Variants in MTUS1 observed in about 807,000 individuals in gnomAD.
MTUS1 encodes the protein microtubule associated scaffold protein 1, also known as microtubule-associated tumor suppressor 1.
A neutral mutation model predicts 120.8 loss-of-function variants in MTUS1; 109 were observed. The observed-to-expected ratio is 0.90, with a 90% confidence interval of 0.77 to 1.06. MTUS1 has a LOEUF of 1.06. Ranked by LOEUF, MTUS1 falls within the 50% of genes least tolerant of loss-of-function variation. The pLI, the probability that MTUS1 is intolerant of heterozygous loss-of-function variation, is 0.00. For synonymous variants in MTUS1, 737 were observed against 550.5 expected, an observed-to-expected ratio of 1.34 and a Z score of -4.74; for missense variants, 2,210 against 1,486.3, an observed-to-expected ratio of 1.49 and a Z score of -8.01.
At chr8:17,779,565 A>G (rs1313060431) in intron 1 of MTUS1, among the ~76,000 whole-genome samples, 1 of 152,220 alleles carries the variant, frequency 6.6e-6, no homozygotes, top group East Asian at 1.9e-4. Context: ...TCTAAATGAT[A>G]ATGACACTCA....
intron 1 of MTUS1, among the ~76,000 whole-genome samples, chr8:17,784,926 A>G (rs1442698820): frequency 1.3e-5 from 2 of 151,892 alleles, no homozygotes; most frequent in African/African-American, 2.4e-5. Context: ...CTGGGATTAT[A>G]AGTGTGCACC....
intron 8 of MTUS1, among the ~76,000 whole-genome samples, chr8:17,662,063 G>T (rs1809849402): frequency 6.6e-6 from 1 of 152,120 alleles, no homozygotes; most frequent in African/African-American, 2.4e-5. Context: ...GTGTGGCGGT[G>T]GGGGGCGTGC....
At chr8:17,718,173 G>A (rs1159482081) in intron 4 of MTUS1, among the ~76,000 whole-genome samples, 2 of 152,178 alleles carry the variant, frequency 1.3e-5, no homozygotes, top group Middle Eastern at 3.2e-3. Flanking sequence ...ACCACCATGA[G>A]TCATAATGCT....
chr8:17,722,127 G>C (rs1585953954), intron 4 of MTUS1: 3 of 1,245,906 alleles, frequency 2.4e-6, no homozygotes, highest in African/African-American at 1.5e-5. Context: ...CACTAGACAG[G>C]CTCTGTGGGT....
In MTUS1 at chr8:17,715,875, C is replaced by G; in HGVS notation, c.2476G>C (p.Glu826Gln). Reference sequence around the variant, plus strand: ...AATGCTGGTTTTGGAGGTTTCTCCTCATATTTGATGACAGCGGCATTACCA... The same window carrying G: ...AATGCTGGTTTTGGAGGTTTCTCCTGATATTTGATGACAGCGGCATTACCA... ...NSGNAAVIKY[E>Q]EKPPKPAFQN... Residue 826 changes from glutamate (E) to glutamine (Q), a missense_variant, in exon 5 of 15, where the codon GAG (glutamate) becomes CAG (glutamine). By Grantham distance (29) the Glu-to-Gln change is conservative. Transcript: ENST00000693296. 6.2e-7 allele frequency: 1 copy of G among 1,613,496 alleles called. No individual in the cohort carries two copies. The highest frequency in any genetic ancestry group is 8.5e-7 in the Non-Finnish European group (1 of 1,179,866).
intron 6 of MTUS1, among the ~76,000 whole-genome samples, chr8:17,691,080 T>C (rs1278551560): frequency 2.0e-5 from 3 of 152,234 alleles, no homozygotes; most frequent in Non-Finnish European, 4.4e-5. Flanking sequence ...ATATACAGCT[T>C]GCCATATTCC....
intron 12 of MTUS1, among the ~76,000 whole-genome samples, chr8:17,650,977 G>C (rs80242417): frequency 0.025 from 3,743 of 152,264 alleles, 160 homozygotes; most frequent in African/African-American, 0.085. Context: ...CCAATCCTTA[G>C]GGAGAATCCA....
At chr8:17,655,782 G>C in intron 9 of MTUS1, 81 bp downstream of exon 9, 2 of 1,199,170 alleles carry the variant, frequency 1.7e-6, no homozygotes, top group Non-Finnish European at 2.5e-6. Context: ...AAAAAGAGAA[G>C]CTCATCAAGA....
chr8:17,685,957 A>C (rs1178393678), intron 6 of MTUS1, among the ~76,000 whole-genome samples: 1 of 152,134 alleles, frequency 6.6e-6, no homozygotes, highest in African/African-American at 2.4e-5. Context: ...CTGAAGGAAG[A>C]ACAAATTATT....
intron 7 of MTUS1, among the ~76,000 whole-genome samples, chr8:17,678,831 T>C (rs1190326053): frequency 6.6e-6 from 1 of 151,840 alleles, no homozygotes; most frequent in African/African-American, 2.4e-5. Context: ...CAAGTTTACC[T>C]AGAAAGCCAC....
intron 2 of MTUS1, among the ~76,000 whole-genome samples, chr8:17,749,059 C>A (rs750342786): frequency 3.3e-5 from 5 of 152,046 alleles, no homozygotes; most frequent in Non-Finnish European, 7.4e-5. Context: ...CAAGGGCATT[C>A]CAAGGTTAAC....
intron 3 of MTUS1, among the ~76,000 whole-genome samples, chr8:17,729,985 A>G (rs1158119830): frequency 1.3e-5 from 1 of 78,432 alleles, no homozygotes; most frequent in African/African-American, 4.7e-5. Flanking sequence ...TGCTATCATC[A>G]AAAAAAAAAA....
At chr8:17,759,530 C>T (rs2131370246) in intron 1 of MTUS1, among the ~76,000 whole-genome samples, 1 of 149,712 alleles carries the variant, frequency 6.7e-6, no homozygotes, top group East Asian at 1.9e-4. Context: ...TGATCATTTG[C>T]CAAATTGCTA....
intron 2 of MTUS1, among the ~76,000 whole-genome samples, chr8:17,753,305 T>A (rs1423214909): frequency 6.6e-6 from 1 of 152,216 alleles, no homozygotes; most frequent in African/African-American, 2.4e-5. Context: ...ATTTTTATGT[T>A]GACATGTTTA....
intron 4 of MTUS1, chr8:17,721,616 G>C (rs2045848653): frequency 1.4e-6 from 2 of 1,383,708 alleles, no homozygotes; most frequent in African/African-American, 1.5e-5. Context: ...TAAATTACAA[G>C]TTACAAAAAC....
intron 1 of MTUS1, among the ~76,000 whole-genome samples, chr8:17,777,123 C>G (rs2050506204): frequency 6.6e-6 from 1 of 152,056 alleles, no homozygotes; most frequent in Non-Finnish European, 1.5e-5. Context: ...ATTTTCCCAC[C>G]CCCAGCATTT....
intron 8 of MTUS1, among the ~76,000 whole-genome samples, chr8:17,656,525 C>T (rs191838371): frequency 1.4e-4 from 20 of 147,000 alleles, no homozygotes; most frequent in Admixed American, 6.2e-4. Flanking sequence ...GAGACTCCAT[C>T]TCAAAAACAA....
chr8:17,677,609 G>C (rs1450199803), intron 7 of MTUS1, among the ~76,000 whole-genome samples: 2 of 152,168 alleles, frequency 1.3e-5, no homozygotes, highest in Non-Finnish European at 2.9e-5. Context: ...TTTTGGGAAA[G>C]GGAGTTTCAC....
chr8:17,657,913 G>A (rs549762351), intron 8 of MTUS1, among the ~76,000 whole-genome samples: 6 of 149,586 alleles, frequency 4.0e-5, no homozygotes, highest in African/African-American at 1.5e-4. Flanking sequence ...ATGCATATAT[G>A]TATATATCTA....
Sources: allele counts gnomAD v4.1 joint callset (sites outside exome capture counted in the v4.1 genomes callset), GRCh38; gene constraint gnomAD v4.1.1; transcripts MANE v1.5; gene names NCBI Gene and HGNC (gene_info 2026-07-23, HGNC 2026-07-21).